Variants in PLA2G12A observed in about 807,000 individuals in gnomAD.
PLA2G12A encodes the protein group XIIA secretory phospholipase A2.
Under a neutral mutation model 16.0 loss-of-function variants are expected in PLA2G12A, and 11 were observed. The ratio of observed to expected loss-of-function variants is 0.69; its 90% CI spans 0.43 to 1.13. PLA2G12A has a LOEUF of 1.13. Among genes scored for constraint, PLA2G12A ranks in the 50% most tolerant of loss-of-function variants. PLA2G12A has a pLI of 0.00. For synonymous variants in PLA2G12A, 77 were observed against 93.8 expected (o/e 0.82, Z 1.03); for missense variants, 214 against 237.3 (o/e 0.90, Z 0.65).
At chr4:109,715,764 C>T (rs1047922569) in intron 3 of PLA2G12A, among the ~76,000 whole-genome samples, 7 of 152,134 alleles carry the variant, frequency 4.6e-5, no homozygotes, top group African/African-American at 1.7e-4. Context: ...CGTGAGCCAC[C>T]GCACCCGGCC....
intron 1 of PLA2G12A, among the ~76,000 whole-genome samples, chr4:109,719,748 T>C (rs1730889373): frequency 6.6e-6 from 1 of 152,182 alleles, no homozygotes; most frequent in African/African-American, 2.4e-5. Flanking sequence ...AATAACACTG[T>C]CTAAAAAAGC....
At chr4:109,720,643 A>G (rs1421705443) in intron 1 of PLA2G12A, among the ~76,000 whole-genome samples, 5 of 119,852 alleles carry the variant, frequency 4.2e-5, no homozygotes, top group Non-Finnish European at 8.9e-5. Context: ...ATATATATAT[A>G]TGAATTTTAA....
chr4:109,720,686 G>A (rs1440145338), intron 1 of PLA2G12A, among the ~76,000 whole-genome samples: 1 of 139,430 alleles, frequency 7.2e-6, no homozygotes, highest in African/African-American at 2.7e-5. Flanking sequence ...AAAAATAAAC[G>A]GTTTCAGTGA....
chr4:109,730,039 C>G lies in PLA2G12A; in HGVS notation c.-230G>C, dbSNP rs1217397595. On this transcript the variant is annotated 5_prime_UTR_variant, in exon 1 of 4. Coordinates refer to ENST00000243501, the MANE Select transcript of PLA2G12A (RefSeq NM_030821.5). ...GCCCGCTCACCTGGACCAGCGCGCC[C>G]GCTCACCTGGGCCAGCAACCGTCCC... 3 of 469,250 alleles carry G rather than the reference C, an allele frequency of 6.4e-6. No individual in the cohort carries two copies. Among genetic ancestry groups the G allele is most frequent in the East Asian group, 3.8e-5 (1 of 26,352 alleles). The allele number at this position is 469,250 out of a possible 1,614,324, so 29.1% of individuals were successfully genotyped here.
intron 1 of PLA2G12A, among the ~76,000 whole-genome samples, chr4:109,723,392 A>AC (rs1338335070): frequency 1.3e-5 from 2 of 152,164 alleles, no homozygotes; most frequent in African/African-American, 4.8e-5. Flanking sequence ...AGAGTTATTC[A>AC]CCCAGTGTTG....
At chr4:109,716,924 C>A (rs1261505928) in intron 3 of PLA2G12A, among the ~76,000 whole-genome samples, 1 of 152,132 alleles carries the variant, frequency 6.6e-6, no homozygotes, top group Non-Finnish European at 1.5e-5. Flanking sequence ...GAAATCCTAA[C>A]CTCCAAAGTG....
At position 109,710,990 on chromosome 4, in the gene PLA2G12A, A is replaced by C. The variant is rs1486968617; in HGVS notation, c.*3387T>G. ...AAAGAGACAGGCATCATTTGAAGGC[A>C]GTATTATTTTAAAGTATCAATATTA... On this transcript the variant is annotated 3_prime_UTR_variant, in exon 4 of 4. Coordinates refer to ENST00000243501, the MANE Select transcript of PLA2G12A (RefSeq NM_030821.5). The C allele has an allele frequency of 6.6e-6, 1 of 150,600 alleles. No individual in the cohort carries two copies. Among genetic ancestry groups the C allele is most frequent in the Non-Finnish European group, 1.5e-5 (1 of 67,842 alleles). The allele number at this position is 150,600 out of a possible 1,614,324, so 9.3% of individuals were successfully genotyped here. A position where few individuals can be genotyped will look rare whatever the true frequency, so the allele number is the denominator to read the frequency against.
Position 109,714,192 on chromosome 4 carries a change from G to A in PLA2G12A, c.*185C>T. The stretch of plus-strand genomic sequence containing the variant: ...GGAAGATACCTGAGAAGACAAGCGT[G>A]CCCTCCCCTCACTATCTCCCTCACT... On this transcript the variant is annotated 3_prime_UTR_variant, in exon 4 of 4. Transcript: ENST00000243501. The A allele has an allele frequency of 1.7e-6, 1 of 598,478 alleles. No homozygotes were observed. The allele number at this position is 598,478 out of a possible 1,614,324, so 37.1% of individuals were successfully genotyped here. A position where few individuals can be genotyped will look rare whatever the true frequency, so the allele number is the denominator to read the frequency against.
rs1255599499 is a variant in PLA2G12A, at chr4:109,712,034, G to A, written c.*2343C>T. ...GTCAAGGTTATGAAAAAGAAAGACT[G>A]TGGAACTATCACAGACCAGAGGCTA... On this transcript the variant is annotated 3_prime_UTR_variant, in exon 4 of 4. Transcript: ENST00000243501. 1.3e-5 allele frequency: 2 copies of A among 152,186 alleles called. No individual in the cohort carries two copies. The highest frequency in any genetic ancestry group is 2.9e-5 in the Non-Finnish European group (2 of 68,038). 9.4% of individuals were successfully genotyped at this position (152,186 alleles called of 1,614,324 possible).
chr4:109,718,670 A>G lies in PLA2G12A; in HGVS notation c.285+13T>C, dbSNP rs200773540. On this transcript the variant is annotated intron_variant, in intron 2 of 3. Coordinates refer to ENST00000243501, the MANE Select transcript of PLA2G12A (RefSeq NM_030821.5). Reference sequence around the variant, plus strand: ...CCAGTTACAAAACTTATCAAATAAAAGACAATATTTACATGAACACCAAAC... The same window carrying G: ...CCAGTTACAAAACTTATCAAATAAAGGACAATATTTACATGAACACCAAAC... The G allele has an allele frequency of 3.2e-6, 5 of 1,563,480 alleles. No homozygotes were observed. Among genetic ancestry groups the G allele is most frequent in the Non-Finnish European group, 4.4e-6 (5 of 1,142,296 alleles).
chr4:109,714,814 A>G (rs189157334), intron 3 of PLA2G12A, among the ~76,000 whole-genome samples: 2 of 149,486 alleles, frequency 1.3e-5, no homozygotes, highest in African/African-American at 4.9e-5. Context: ...AGCTTACTGC[A>G]GTCTCCACAT....
At chr4:109,721,984 C>A (rs1358402483) in intron 1 of PLA2G12A, among the ~76,000 whole-genome samples, 1 of 152,130 alleles carries the variant, frequency 6.6e-6, no homozygotes, top group Admixed American at 6.5e-5. Flanking sequence ...TAACTATTTG[C>A]CCTACTTTGG....
In PLA2G12A at chr4:109,720,574, C is replaced by CA. The variant is rs61477793; in HGVS notation, c.209-1816dup. ...AACATGATGAGACTCTGTCTGTATTCAAAAAAAAAAAAAAAAAAAAAAAAA... is the reference window on the plus strand; with the variant it reads ...AACATGATGAGACTCTGTCTGTATTCAAAAAAAAAAAAAAAAAAAAAAAAAA... On this transcript the variant is annotated intron_variant, in intron 1 of 3. Transcript: ENST00000243501. 3.7e-4 allele frequency among the ~76,000 whole-genome samples: 14 copies of CA among 37,454 alleles called. 1 individual carries two copies. The highest frequency in any genetic ancestry group is 5.3e-4 in the Non-Finnish European group (12 of 22,688). The allele number at this position is 37,454 out of a possible 152,430, so 24.6% of individuals were successfully genotyped here.
At chr4:109,718,377 A>G (rs951593809) in intron 2 of PLA2G12A, among the ~76,000 whole-genome samples, 1 of 152,212 alleles carries the variant, frequency 6.6e-6, no homozygotes, top group African/African-American at 2.4e-5. Flanking sequence ...TTAATGTCGA[A>G]AACATGATTT....
chr4:109,713,931 G>A lies in PLA2G12A; in HGVS notation c.*446C>T, dbSNP rs939477220. The A allele has an allele frequency of 1.3e-5, 2 of 158,746 alleles. No homozygotes were observed. The highest frequency in any genetic ancestry group is 1.8e-4 in the East Asian group (1 of 5,626). 9.8% of individuals were successfully genotyped at this position (158,746 alleles called of 1,614,324 possible). ...AAGTCCGTTCCTTCTAGGCATAAAT[G>A]TGTATTTAAAATTTCATAGTAAACA... On this transcript the variant is annotated 3_prime_UTR_variant, in exon 4 of 4. Transcript: ENST00000243501.
chr4:109,726,738 G>A (rs144621426), intron 1 of PLA2G12A, among the ~76,000 whole-genome samples: 1 of 152,054 alleles, frequency 6.6e-6, no homozygotes, highest in Non-Finnish European at 1.5e-5. Flanking sequence ...TGCTGTCAGG[G>A]AGAAAAAAGT....
In PLA2G12A at chr4:109,714,422, T is replaced by C. The variant is rs1259522949; in HGVS notation, c.525A>G (p.Gln175=). 3.1e-6 allele frequency: 5 copies of C among 1,614,156 alleles called. No individual in the cohort carries two copies. Among genetic ancestry groups the C allele is most frequent in the Middle Eastern group, 3.3e-4 (2 of 6,060 alleles). Residue 175 remains glutamine (Q), a synonymous_variant, in exon 4 of 4, where the codon CAA becomes CAG. Coordinates refer to ENST00000243501, the MANE Select transcript of PLA2G12A (RefSeq NM_030821.5). ...CATAATGACACCTGCATGCGGCTCG[T>C]TGGCTGTCCAGATATGGTTTACAAC... The part of the protein sequence containing the change: ...HLGCKPYLDS[Q]RAACRCHYEE...
chr4:109,719,489 C>G (rs1315051316), intron 1 of PLA2G12A, among the ~76,000 whole-genome samples: 3 of 152,122 alleles, frequency 2.0e-5, no homozygotes, highest in African/African-American at 7.2e-5. Flanking sequence ...GGCTAATGTT[C>G]CCCAGTAGCA....
chr4:109,727,777 G>A (rs1722971083), intron 1 of PLA2G12A, among the ~76,000 whole-genome samples: 2 of 151,872 alleles, frequency 1.3e-5, no homozygotes, highest in Non-Finnish European at 2.9e-5. Flanking sequence ...CTCTAGCCTG[G>A]GCACAGAGGG....
Sources: allele counts gnomAD v4.1 joint callset (sites outside exome capture counted in the v4.1 genomes callset), GRCh38; gene constraint gnomAD v4.1.1; transcripts MANE v1.5; gene names NCBI Gene and HGNC (gene_info 2026-07-23, HGNC 2026-07-21).